The following FAAH2 variants were observed in gnomAD, a reference collection of about 807,000 sequenced individuals.
The protein encoded by FAAH2 is fatty acid amide hydrolase 2.
A neutral mutation model predicts 36.9 loss-of-function variants in FAAH2; 60 were observed. The observed-to-expected ratio is 1.63, with a 90% CI of 1.32 to 2.02. FAAH2 has a LOEUF of 2.02. Ranked by LOEUF, FAAH2 falls within the 30% of genes most tolerant of loss-of-function variation. FAAH2 has a pLI of 0.00. For missense variants in FAAH2, 689 were observed against 397.5 expected (o/e 1.73, Z -6.23); for synonymous variants, 214 against 143.8 (o/e 1.49, Z -3.49).
At chrX:57,281,961 G>A (rs1255165776), upstream of FAAH2, among the ~76,000 whole-genome samples, 1 of 111,924 alleles carries the variant, frequency 8.9e-6, no homozygotes, top group Non-Finnish European at 1.9e-5. Context: ...TTGTTATCCA[G>A]TCTAATGTTG....
At chrX:57,271,629 G>A in the FAAH2 span, among the ~76,000 whole-genome samples, 5 of 111,914 alleles carry the variant, frequency 4.5e-5, no homozygotes, top group African/African-American at 9.7e-5. Flanking sequence ...AAACAGGGTC[G>A]GGAGTGGACC....
the FAAH2 span, among the ~76,000 whole-genome samples, chrX:57,122,244 T>C: frequency 5.4e-5 from 6 of 111,969 alleles, no homozygotes; most frequent in Non-Finnish European, 1.1e-4. Context: ...CTGGGATTTG[T>C]TTTTTATCTG....
intron 7 of FAAH2, among the ~76,000 whole-genome samples, chrX:57,426,649 T>C (rs1290251125): frequency 8.9e-6 from 1 of 111,985 alleles, no homozygotes; most frequent in Non-Finnish European, 1.9e-5. Flanking sequence ...TCCTGCATAA[T>C]CTTTGAGTCA....
the FAAH2 span, among the ~76,000 whole-genome samples, chrX:57,265,537 A>G: frequency 1.8e-5 from 2 of 111,214 alleles, no homozygotes; most frequent in Non-Finnish European, 3.8e-5. Flanking sequence ...GGCAGAAGAG[A>G]TCCCCCAGCA....
intron 5 of FAAH2, among the ~76,000 whole-genome samples, chrX:57,358,059 C>A (rs1216833255): frequency 1.8e-5 from 2 of 110,809 alleles, no homozygotes; most frequent in Admixed American, 1.9e-4. Flanking sequence ...ATCTGCTCTA[C>A]TTTTTATTAT....
At chrX:57,188,649 G>T in the FAAH2 span, among the ~76,000 whole-genome samples, 1 of 110,286 alleles carries the variant, frequency 9.1e-6, no homozygotes, top group South Asian at 3.9e-4. Flanking sequence ...TTGATGTTAG[G>T]ATGTGAATTT....
intron 7 of FAAH2, among the ~76,000 whole-genome samples, chrX:57,410,270 T>C (rs994778390): frequency 1.8e-5 from 2 of 111,669 alleles, no homozygotes; most frequent in African/African-American, 6.5e-5. Context: ...AGACATGTAT[T>C]GTGGCCTAAC....
chrX:57,202,922 C>G, the FAAH2 span, among the ~76,000 whole-genome samples: 1 of 112,066 alleles, frequency 8.9e-6, no homozygotes, highest in African/African-American at 3.2e-5. Flanking sequence ...TCACCACCAC[C>G]AGAGCCCTGC....
At chrX:57,248,844 T>C in the FAAH2 span, among the ~76,000 whole-genome samples, 2 of 90,640 alleles carry the variant, frequency 2.2e-5, no homozygotes, top group Non-Finnish European at 4.2e-5. Flanking sequence ...GTTGGAATGC[T>C]GGAGATGACC....
chrX:57,468,751 T>C (rs1238213895), intron 10 of FAAH2, among the ~76,000 whole-genome samples: 2 of 111,148 alleles, frequency 1.8e-5, no homozygotes, highest in Admixed American at 1.9e-4. Context: ...CAGAGAATGC[T>C]GCAAAGATAC....
intron 10 of FAAH2, among the ~76,000 whole-genome samples, chrX:57,469,117 A>G (rs1344936151): frequency 8.9e-6 from 1 of 112,195 alleles, no homozygotes; most frequent in African/African-American, 3.2e-5. Flanking sequence ...ATGGAAAGGA[A>G]CAACTGGTAA....
At chrX:57,143,896 G>A in the FAAH2 span, among the ~76,000 whole-genome samples, 1 of 111,965 alleles carries the variant, frequency 8.9e-6, no homozygotes, top group South Asian at 3.7e-4. Flanking sequence ...TTATCAGTGA[G>A]TTTTAGATCT....
intron 2 of FAAH2, among the ~76,000 whole-genome samples, chrX:57,295,969 T>G (rs1352802532): frequency 9.0e-6 from 1 of 111,704 alleles, no homozygotes; most frequent in Non-Finnish European, 1.9e-5. Flanking sequence ...TCAAACTGGG[T>G]GGAGCCCACC....
intron 1 of FAAH2, among the ~76,000 whole-genome samples, chrX:57,287,232 C>T (rs1048774440): frequency 9.0e-6 from 1 of 111,266 alleles, no homozygotes; most frequent in African/African-American, 3.3e-5. Context: ...TATTTTGGTA[C>T]CGTCATAGTC....
In FAAH2 at chrX:57,439,361, A is replaced by G. The variant is rs761476462; in HGVS notation, c.1116+7324A>G. Among the ~76,000 whole-genome samples, 21 of 111,896 alleles carry G rather than the reference A, an allele frequency of 1.9e-4. 1 individual carries two copies. The East Asian group carries it at 5.9e-3, about 31-fold the overall frequency. The stretch of plus-strand genomic sequence containing the variant: ...ATTTCTCTGATGGCCAGTGATGATG[A>G]GCATTTTTTCATGTGTTTTTTGACT... On this transcript the variant is annotated intron_variant, in intron 8 of 10. Transcript: ENST00000374900.
intron 3 of FAAH2, among the ~76,000 whole-genome samples, chrX:57,329,169 A>G (rs1489651816): frequency 8.9e-6 from 1 of 112,257 alleles, no homozygotes; most frequent in Non-Finnish European, 1.9e-5. Flanking sequence ...ATTCACAGCA[A>G]TTGGCAATAT....
intron 8 of FAAH2, among the ~76,000 whole-genome samples, chrX:57,442,309 T>C (rs760257358): frequency 8.9e-6 from 1 of 111,954 alleles, no homozygotes; most frequent in Non-Finnish European, 1.9e-5. Context: ...TGGGTGCATA[T>C]ATATTTAGGA....
At chrX:57,275,988 C>G in the FAAH2 span, among the ~76,000 whole-genome samples, 1 of 111,040 alleles carries the variant, frequency 9.0e-6, no homozygotes, top group African/African-American at 3.3e-5. Context: ...ACTTTAACAC[C>G]CCACTGTCCA....
the FAAH2 span, among the ~76,000 whole-genome samples, chrX:57,199,822 T>A: frequency 8.9e-6 from 1 of 112,305 alleles, no homozygotes; most frequent in African/African-American, 3.2e-5. Context: ...AACCCTAACC[T>A]CTTTACCATT....
Sources: allele counts gnomAD v4.1 joint callset (sites outside exome capture counted in the v4.1 genomes callset), GRCh38; gene constraint gnomAD v4.1.1; transcripts MANE v1.5; gene names NCBI Gene and HGNC (gene_info 2026-07-23, HGNC 2026-07-21).